The following ZNF385D variants were observed in gnomAD, a reference collection of about 807,000 sequenced individuals.
ZNF385D encodes the protein zinc finger protein 385D.
A neutral mutation model predicts 35.8 loss-of-function variants in ZNF385D; 15 were observed. That is an observed-to-expected ratio of 0.42 (90% confidence interval 0.28 to 0.64). The LOEUF is 0.64. Among genes scored for constraint, ZNF385D ranks in the 30% least tolerant of loss-of-function variants. ZNF385D has a pLI of 0.23. For synonymous variants in ZNF385D, 212 were observed against 186.8 expected (o/e 1.13, Z -1.10); for missense variants, 474 against 494.6 (o/e 0.96, Z 0.39).
intron 2 of ZNF385D, among the ~76,000 whole-genome samples, chr3:21,590,957 G>A (rs1212632482): frequency 1.3e-5 from 2 of 152,008 alleles, no homozygotes; most frequent in Non-Finnish European, 2.9e-5. Flanking sequence ...GCACTTTGAA[G>A]GCCAAGGCAG....
chr3:22,179,614 G>A (rs963479966), intron 2 of ZNF385D, among the ~76,000 whole-genome samples: 5 of 151,780 alleles, frequency 3.3e-5, no homozygotes, highest in Non-Finnish European at 5.9e-5. Context: ...CCAGAACTTC[G>A]AATACTATGT....
At chr3:22,319,267 G>C (rs566320624) in intron 2 of ZNF385D, among the ~76,000 whole-genome samples, 1 of 152,080 alleles carries the variant, frequency 6.6e-6, no homozygotes, top group African/African-American at 2.4e-5. Flanking sequence ...TGAAGTATTA[G>C]TTAATTCAAG....
intron 2 of ZNF385D, among the ~76,000 whole-genome samples, chr3:21,658,834 T>G (rs1425520399): frequency 6.6e-6 from 1 of 152,088 alleles, no homozygotes; most frequent in Non-Finnish European, 1.5e-5. Flanking sequence ...ATTATAGTTC[T>G]TTATAGAATG....
intron 2 of ZNF385D, among the ~76,000 whole-genome samples, chr3:21,596,157 G>A (rs182105961): frequency 7.9e-5 from 12 of 152,294 alleles, no homozygotes; most frequent in African/African-American, 2.9e-4. Flanking sequence ...AGGAAAGAAA[G>A]TTATCCAAAG....
chr3:22,069,379 G>C, intron 3 of ZNF385D, among the ~76,000 whole-genome samples: 1 of 152,174 alleles, frequency 6.6e-6, no homozygotes, highest in South Asian at 2.1e-4. Flanking sequence ...AATGCTTTTT[G>C]GGTAGGCACT....
intron 3 of ZNF385D, among the ~76,000 whole-genome samples, chr3:21,831,174 A>T (rs908879165): frequency 1.1e-4 from 17 of 152,154 alleles, no homozygotes; most frequent in African/African-American, 2.2e-4. Flanking sequence ...TTACTTAAAA[A>T]TTTTTTCTTT....
chr3:21,617,398 C>T (rs987045052), intron 2 of ZNF385D, among the ~76,000 whole-genome samples: 6 of 152,182 alleles, frequency 3.9e-5, no homozygotes, highest in Non-Finnish European at 8.8e-5. Flanking sequence ...GGAATCACAA[C>T]TCTTAGGACC....
intron 2 of ZNF385D, among the ~76,000 whole-genome samples, chr3:21,629,555 CACAT>C (rs1260995123): frequency 7.2e-5 from 11 of 152,164 alleles, no homozygotes; most frequent in African/African-American, 2.7e-4. Flanking sequence ...CTTAATCAGG[CACAT>C]ACTCTTGTCT....
chr3:21,672,229 C>A (rs533121748), intron 1 of ZNF385D, among the ~76,000 whole-genome samples: 1 of 152,118 alleles, frequency 6.6e-6, no homozygotes, highest in South Asian at 2.1e-4. Context: ...ATTTGGTAAC[C>A]ATTTTTCTTT....
rs2072910059 is a variant in ZNF385D, at chr3:21,811,274, G to GT, written c.326-146247dup. 2.0e-5 allele frequency among the ~76,000 whole-genome samples: 3 copies of GT among 152,080 alleles called. No homozygotes were observed. The East Asian group carries it at 5.8e-4, about 29-fold the overall frequency. On this transcript the variant is annotated intron_variant, in intron 3 of 5. Coordinates refer to the ZNF385D transcript ENST00000494108. ...AACACCCTGATCGCTCAAAATAGTG[G>GT]TATTTAAATAACATTTCCCACGTAG...
At chr3:21,659,080 C>G (rs1025149348) in intron 2 of ZNF385D, among the ~76,000 whole-genome samples, 2 of 151,920 alleles carry the variant, frequency 1.3e-5, no homozygotes, top group Admixed American at 6.6e-5. Context: ...CCTCACTATC[C>G]TGCTTCTTCT....
intron 7 of ZNF385D, among the ~76,000 whole-genome samples, chr3:21,423,122 A>G (rs1700822788): frequency 6.6e-6 from 1 of 152,006 alleles, no homozygotes; most frequent in South Asian, 2.1e-4. Context: ...TTAAGCTCAT[A>G]AACAACTTCA....
intron 4 of ZNF385D, among the ~76,000 whole-genome samples, chr3:21,493,795 A>G (rs1246380641): frequency 6.6e-6 from 1 of 152,152 alleles, no homozygotes; most frequent in African/African-American, 2.4e-5. Flanking sequence ...ACTGTACTAA[A>G]GATCACCTTA....
intron 2 of ZNF385D, among the ~76,000 whole-genome samples, chr3:21,569,010 G>C (rs1393064716): frequency 6.6e-6 from 1 of 152,098 alleles, no homozygotes; most frequent in Non-Finnish European, 1.5e-5. Context: ...AATAGGTGTG[G>C]TATGGTGCTG....
intron 3 of ZNF385D, among the ~76,000 whole-genome samples, chr3:21,884,034 A>G (rs763558523): frequency 3.3e-5 from 5 of 152,054 alleles, no homozygotes; most frequent in Non-Finnish European, 7.4e-5. Flanking sequence ...TAGAGCTGAC[A>G]TGTAGCATAA....
At chr3:21,455,082 AAG>A (rs1189320946) in intron 4 of ZNF385D, among the ~76,000 whole-genome samples, 2 of 152,194 alleles carry the variant, frequency 1.3e-5, no homozygotes, top group Admixed American at 6.5e-5. Flanking sequence ...AATGAAATAA[AAG>A]AGGACACAAA....
At chr3:21,870,509 A>C (rs1191171932) in intron 3 of ZNF385D, among the ~76,000 whole-genome samples, 9 of 152,190 alleles carry the variant, frequency 5.9e-5, no homozygotes, top group Admixed American at 5.9e-4. Context: ...TCATGTAAGA[A>C]GCAGTAGTAT....
At chr3:21,658,540 T>C (rs1298679707) in intron 2 of ZNF385D, among the ~76,000 whole-genome samples, 3 of 152,014 alleles carry the variant, frequency 2.0e-5, no homozygotes, top group African/African-American at 4.8e-5. Flanking sequence ...TTATCTGTTA[T>C]GTGTTTTTCC....
chr3:21,718,443 G>T (rs1163724594), intron 1 of ZNF385D, among the ~76,000 whole-genome samples: 1 of 152,180 alleles, frequency 6.6e-6, no homozygotes, highest in South Asian at 2.1e-4. Flanking sequence ...AGCCAACAAG[G>T]TATGATAACA....
Sources: allele counts gnomAD v4.1 joint callset (sites outside exome capture counted in the v4.1 genomes callset), GRCh38; gene constraint gnomAD v4.1.1; transcripts MANE v1.5; gene names NCBI Gene and HGNC (gene_info 2026-07-23, HGNC 2026-07-21).